The following RGS6 variants were observed in gnomAD, a reference collection of about 807,000 sequenced individuals.
The protein encoded by RGS6 is regulator of G-protein signaling 6.
A neutral mutation model predicts 78.5 loss-of-function variants in RGS6; 30 were observed. That is an observed-to-expected ratio of 0.38 (90% CI 0.29 to 0.52). The LOEUF (loss-of-function observed/expected upper bound fraction) is 0.52. RGS6 is among the 20% of genes least tolerant of loss of function. The pLI is 0.85. For synonymous variants in RGS6, 206 were observed against 206.0 expected, an observed-to-expected ratio of 1.00 and a Z score of 0.00; for missense variants, 495 against 609.7, an observed-to-expected ratio of 0.81 and a Z score of 1.98.
intron 6 of RGS6, 50 bp downstream of exon 6, chr14:72,459,733 T>C: frequency 6.3e-7 from 1 of 1,583,754 alleles, no homozygotes; most frequent in Non-Finnish European, 8.7e-7. Context: ...TGTGTGTCAC[T>C]TCTGGGGGTG....
At chr14:72,266,271 CATG>C (rs1801619996) in intron 2 of RGS6, among the ~76,000 whole-genome samples, 1 of 152,190 alleles carries the variant, frequency 6.6e-6, no homozygotes, top group Non-Finnish European at 1.5e-5. Flanking sequence ...GGCTTCCACA[CATG>C]GTGGTCTCAA....
intron 2 of RGS6, among the ~76,000 whole-genome samples, chr14:72,071,847 T>A (rs1250032612): frequency 6.6e-6 from 1 of 152,228 alleles, no homozygotes; most frequent in East Asian, 1.9e-4. Context: ...GTTTTCACGA[T>A]GTCTTGTATT....
At chr14:72,341,058 G>A (rs2076894581) in intron 2 of RGS6, among the ~76,000 whole-genome samples, 1 of 152,074 alleles carries the variant, frequency 6.6e-6, no homozygotes, top group African/African-American at 2.4e-5. Flanking sequence ...ATAGAACATG[G>A]GTATTAGTTC....
At chr14:72,622,960 G>A in the RGS6 span, among the ~76,000 whole-genome samples, 1 of 152,058 alleles carries the variant, frequency 6.6e-6, no homozygotes, top group African/African-American at 2.4e-5. Flanking sequence ...CATCAATAAG[G>A]GAATGGTTGG....
chr14:72,390,802 AG>A (rs1015448523), intron 3 of RGS6, among the ~76,000 whole-genome samples: 4 of 152,250 alleles, frequency 2.6e-5, no homozygotes, highest in African/African-American at 9.6e-5. Context: ...GAGATTGGTT[AG>A]GTGAGCCCTG....
rs1329300420 is a variant in RGS6 at position 72,426,004 on chromosome 14, C to T, written c.185-28524C>T. On this transcript the variant is annotated intron_variant, in intron 3 of 17. Coordinates refer to ENST00000553525, the MANE Select transcript of RGS6 (RefSeq NM_001204424.2). ...CCTTTATTTTCTTCTTTTTGCTTAG[C>T]TATATTTTCTAAAGTTTTTGTTAAA... is the stretch of plus-strand genomic sequence containing the variant. 2.0e-5 allele frequency among the ~76,000 whole-genome samples: 3 copies of T among 152,026 alleles called. No individual in the cohort carries two copies. In the South Asian group the frequency reaches 6.2e-4, roughly 32 times the overall value.
At chr14:71,901,843 C>G in the RGS6 span, among the ~76,000 whole-genome samples, 1 of 152,112 alleles carries the variant, frequency 6.6e-6, no homozygotes, top group Non-Finnish European at 1.5e-5. Context: ...TTGATTAATT[C>G]CAATTTCCAT....
intron 2 of RGS6, among the ~76,000 whole-genome samples, chr14:72,118,033 T>C (rs997683201): frequency 5.9e-5 from 9 of 152,196 alleles, no homozygotes; most frequent in Admixed American, 2.0e-4. Context: ...ATGATTAAAA[T>C]TGGGCTTGAA....
rs201307998 is a variant in RGS6, at chr14:72,051,157, G to GA, written c.84+86290dup. Among the ~76,000 whole-genome samples the GA allele has an allele frequency of 6.2e-3, 947 of 151,844 alleles. 4 individuals carry two copies. The highest frequency in any genetic ancestry group is 0.022 in the African/African-American group (903 of 41,408). On this transcript the variant is annotated intron_variant, in intron 2 of 17. Coordinates refer to ENST00000553525, the MANE Select transcript of RGS6 (RefSeq NM_001204424.2). Reference sequence around the variant, plus strand: ...AAGACAACAGCCTCAAATGCAGTGGGAAAAAAAAGCAAAATCTGCCTGCTT... The same window carrying GA: ...AAGACAACAGCCTCAAATGCAGTGGGAAAAAAAAAGCAAAATCTGCCTGCTT...
chr14:72,479,457 A>C (rs1222277963), intron 12 of RGS6, among the ~76,000 whole-genome samples: 1 of 152,222 alleles, frequency 6.6e-6, no homozygotes, highest in African/African-American at 2.4e-5. Context: ...ATTAGAGGCC[A>C]GTAGTCCCCC....
chr14:72,249,695 C>T (rs2055124578), intron 2 of RGS6, among the ~76,000 whole-genome samples: 2 of 151,994 alleles, frequency 1.3e-5, no homozygotes, highest in Non-Finnish European at 2.9e-5. Context: ...GATTTATGCA[C>T]TAGAGAGGTG....
intron 15 of RGS6, among the ~76,000 whole-genome samples, chr14:72,528,379 C>T (rs192959348): frequency 1.6e-4 from 25 of 152,250 alleles, no homozygotes; most frequent in African/African-American, 5.3e-4. Context: ...AGTGGCTCAT[C>T]GGGGTAACAT....
intron 1 of RGS6, among the ~76,000 whole-genome samples, chr14:71,937,004 G>A (rs899133263): frequency 6.6e-6 from 1 of 152,128 alleles, no homozygotes; most frequent in Non-Finnish European, 1.5e-5. Context: ...GCCTGGATTG[G>A]GCTGTTGTAG....
intron 3 of RGS6, among the ~76,000 whole-genome samples, chr14:72,423,702 A>G (rs2094310062): frequency 6.6e-6 from 1 of 152,152 alleles, no homozygotes; most frequent in Non-Finnish European, 1.5e-5. Flanking sequence ...ACGAGGGGTG[A>G]AAAACAACCA....
At chr14:72,501,346 G>A (rs2096722864) in intron 13 of RGS6, among the ~76,000 whole-genome samples, 1 of 152,056 alleles carries the variant, frequency 6.6e-6, no homozygotes, top group African/African-American at 2.4e-5. Flanking sequence ...CTCCTTCTCA[G>A]ACAAGCTATT....
intron 6 of RGS6, among the ~76,000 whole-genome samples, chr14:72,460,918 A>T (rs1461315997): frequency 6.6e-6 from 1 of 151,986 alleles, no homozygotes; most frequent in East Asian, 1.9e-4. Context: ...GATGGAATAC[A>T]AGCGAGTTGT....
the RGS6 span, among the ~76,000 whole-genome samples, chr14:72,599,315 C>A: frequency 6.6e-6 from 1 of 151,864 alleles, no homozygotes; most frequent in African/African-American, 2.4e-5. Flanking sequence ...ATTGTGAAAA[C>A]CACTGAGCTT....
intron 2 of RGS6, among the ~76,000 whole-genome samples, chr14:72,226,391 A>G (rs2048129534): frequency 6.6e-6 from 1 of 152,236 alleles, no homozygotes; most frequent in Non-Finnish European, 1.5e-5. Context: ...GATGAAAAAT[A>G]TGATTTCTTC....
rs140964165 is a variant in RGS6 at position 72,096,097 on chromosome 14, C to T, written c.84+131222C>T. ...CAGCCTGGCCAACATGGTGAAACCC[C>T]ATCTCTACTAAAAAATACAAAAAAA... On this transcript the variant is annotated intron_variant, in intron 2 of 17. Transcript: ENST00000553525. Among the ~76,000 whole-genome samples the T allele has an allele frequency of 3.6e-3, 544 of 152,116 alleles. 5 individuals are homozygous for T. The highest frequency in any genetic ancestry group is 0.013 in the African/African-American group (528 of 41,508).
Sources: allele counts gnomAD v4.1 joint callset (sites outside exome capture counted in the v4.1 genomes callset), GRCh38; gene constraint gnomAD v4.1.1; transcripts MANE v1.5; gene names NCBI Gene and HGNC (gene_info 2026-07-23, HGNC 2026-07-21).